RNF152: variants seen among roughly 807,000 people sequenced by gnomAD.
RNF152 encodes the protein ring finger protein 152.
A neutral mutation model predicts 12.7 loss-of-function variants in RNF152; 11 were observed. The ratio of observed to expected loss-of-function variants is 0.86; its 90% CI spans 0.54 to 1.43. The LOEUF (loss-of-function observed/expected upper bound fraction) is 1.43, where lower values mean the gene tolerates loss of function less well. Among genes scored for constraint, RNF152 ranks in the 40% most tolerant of loss-of-function variants. The pLI is 0.00. For missense variants in RNF152, 255 were observed against 274.8 expected (o/e 0.93, Z 0.51); for synonymous variants, 113 against 120.3 (o/e 0.94, Z 0.40).
intron 1 of RNF152, among the ~76,000 whole-genome samples, chr18:61,817,942 C>T (rs189440240): frequency 6.6e-6 from 1 of 152,262 alleles, no homozygotes; most frequent in East Asian, 1.9e-4. Context: ...AATTACTCAA[C>T]CACTATTGCA....
chr18:61,816,626 C>T, intron 1 of RNF152, 28 bp from the exon 2 acceptor site: 2 of 687,482 alleles, frequency 2.9e-6, no homozygotes, highest in Non-Finnish European at 4.9e-6. Context: ...TGCAAACAAT[C>T]TTAATTATTT....
intron 1 of RNF152, among the ~76,000 whole-genome samples, chr18:61,835,829 T>C (rs561913586): frequency 2.0e-5 from 3 of 152,304 alleles, no homozygotes; most frequent in Admixed American, 6.5e-5. Flanking sequence ...ACTAGTATAG[T>C]AGTAATTCTG....
intron 1 of RNF152, among the ~76,000 whole-genome samples, chr18:61,826,984 C>T (rs1440491467): frequency 1.3e-5 from 2 of 152,188 alleles, no homozygotes; most frequent in African/African-American, 4.8e-5. Flanking sequence ...TTATTGAGAA[C>T]ATACAGGAAG....
At chr18:61,827,260 T>C (rs1364548500) in intron 1 of RNF152, among the ~76,000 whole-genome samples, 3 of 152,240 alleles carry the variant, frequency 2.0e-5, no homozygotes, top group African/African-American at 7.2e-5. Flanking sequence ...AGCAGTATCA[T>C]ACGGTGGGTC....
chr18:61,872,705 T>C (rs1456083146), intron 1 of RNF152, among the ~76,000 whole-genome samples: 1 of 152,210 alleles, frequency 6.6e-6, no homozygotes, highest in African/African-American at 2.4e-5. Flanking sequence ...AACTATGTCA[T>C]TGATATAATG....
chr18:61,823,449 C>T (rs1027731957), intron 1 of RNF152, among the ~76,000 whole-genome samples: 6 of 147,112 alleles, frequency 4.1e-5, no homozygotes, highest in African/African-American at 1.5e-4. Flanking sequence ...GTGTGCACCA[C>T]CACACCCAGC....
rs572456982 is a variant in RNF152 at position 61,811,568 on chromosome 18, A to C, written c.*4284T>G. The C allele has an allele frequency of 6.6e-6, 1 of 152,340 alleles. No individual in the cohort carries two copies. Among genetic ancestry groups the C allele is most frequent in the African/African-American group, 2.4e-5 (1 of 41,578 alleles). 9.4% of individuals were successfully genotyped at this position (152,340 alleles called of 1,614,324 possible). A position where few individuals can be genotyped will look rare whatever the true frequency, so the allele number is the denominator to read the frequency against. ...CTACATTTTAGTTTGGCATCTGAAAAATGATGCCCACATATGCCCACACCA... is the reference window on the plus strand; with the variant it reads ...CTACATTTTAGTTTGGCATCTGAAACATGATGCCCACATATGCCCACACCA... On this transcript the variant is annotated 3_prime_UTR_variant, in exon 2 of 2. Transcript: ENST00000312828.
intron 1 of RNF152, among the ~76,000 whole-genome samples, chr18:61,836,360 G>A (rs1404413667): frequency 6.6e-6 from 1 of 152,084 alleles, no homozygotes; most frequent in Non-Finnish European, 1.5e-5. Context: ...CCCAAAATTC[G>A]TATGTTGAAA....
chr18:61,834,463 A>G (rs1910090683), intron 1 of RNF152, among the ~76,000 whole-genome samples: 1 of 152,196 alleles, frequency 6.6e-6, no homozygotes, highest in Admixed American at 6.5e-5. Flanking sequence ...TGAGTTCCTT[A>G]GAGGGAAGGC....
chr18:61,860,453 T>C (rs369856736), intron 1 of RNF152, among the ~76,000 whole-genome samples: 9 of 152,214 alleles, frequency 5.9e-5, no homozygotes, highest in African/African-American at 1.9e-4. Context: ...AAAATTCCTA[T>C]TGCCTGGTGA....
intron 1 of RNF152, among the ~76,000 whole-genome samples, chr18:61,873,010 A>G (rs1263565862): frequency 1.3e-5 from 2 of 152,214 alleles, no homozygotes; most frequent in African/African-American, 4.8e-5. Flanking sequence ...AAAGATTAAT[A>G]TATTTTAATG....
intron 1 of RNF152, among the ~76,000 whole-genome samples, chr18:61,850,256 T>C (rs1399173672): frequency 6.6e-6 from 1 of 152,250 alleles, no homozygotes; most frequent in Non-Finnish European, 1.5e-5. Context: ...CACGACCTCA[T>C]ACAGTTTCTG....
intron 1 of RNF152, among the ~76,000 whole-genome samples, chr18:61,865,720 T>TA (rs1315701242): frequency 1.3e-5 from 2 of 152,180 alleles, no homozygotes; most frequent in Non-Finnish European, 1.5e-5. Flanking sequence ...TTCTGAACAT[T>TA]AGAGTTTAGA....
intron 1 of RNF152, among the ~76,000 whole-genome samples, chr18:61,860,495 G>A (rs538874261): frequency 2.0e-5 from 3 of 152,328 alleles, no homozygotes; most frequent in African/African-American, 7.2e-5. Context: ...GCACTGCAAC[G>A]CATTACTCAC....
At chr18:61,878,316 C>A (rs774146039) in intron 1 of RNF152, among the ~76,000 whole-genome samples, 1 of 152,106 alleles carries the variant, frequency 6.6e-6, no homozygotes, top group Non-Finnish European at 1.5e-5. Context: ...CTGCACAGGA[C>A]GGTCTTCCCA....
intron 1 of RNF152, among the ~76,000 whole-genome samples, chr18:61,838,406 C>A (rs774578850): frequency 6.6e-6 from 1 of 152,318 alleles, no homozygotes; most frequent in East Asian, 1.9e-4. Flanking sequence ...TAACCAGAGA[C>A]GGAGGAGTCA....
chr18:61,872,983 C>T (rs1438306288), intron 1 of RNF152, among the ~76,000 whole-genome samples: 1 of 152,068 alleles, frequency 6.6e-6, no homozygotes, highest in Non-Finnish European at 1.5e-5. Flanking sequence ...TTTTCAATAA[C>T]TTACTGCAAA....
At chr18:61,848,453 C>G (rs1299262033) in intron 1 of RNF152, among the ~76,000 whole-genome samples, 2 of 152,208 alleles carry the variant, frequency 1.3e-5, no homozygotes, top group Non-Finnish European at 2.9e-5. Context: ...GCTACCATCA[C>G]CTTCCCCCAG....
At chr18:61,851,787 T>C (rs9949250) in intron 1 of RNF152, among the ~76,000 whole-genome samples, 21,077 of 152,214 alleles carry the variant, frequency 0.14, 2,529 homozygotes, top group African/African-American at 0.33. Context: ...AGCCTCTACT[T>C]GGTCAATACC....
Sources: gnomAD v4.1 joint callset for allele counts (sites outside exome capture counted in the v4.1 genomes callset) on GRCh38, gnomAD v4.1.1 for gene constraint, MANE v1.5 for transcripts, NCBI Gene and HGNC (gene_info 2026-07-23, HGNC 2026-07-21) for gene names.